Variants in ZBTB16 observed in about 807,000 individuals in gnomAD.
The protein encoded by ZBTB16 is zinc finger and BTB domain-containing protein 16.
A neutral mutation model predicts 56.8 loss-of-function variants in ZBTB16; 8 were observed. The ratio of observed to expected loss-of-function variants is 0.14; its 90% CI spans 0.08 to 0.25. ZBTB16 has a LOEUF of 0.25. Among genes scored for constraint, ZBTB16 ranks in the 10% least tolerant of loss-of-function variants. The pLI is 1.00. For missense variants in ZBTB16, 625 were observed against 903.0 expected (o/e 0.69, Z 3.95); for synonymous variants, 363 against 368.5 (o/e 0.98, Z 0.17).
At chr11:114,187,291 A>G (rs2135061551) in intron 4 of ZBTB16, 1 of 576,902 alleles carries the variant, frequency 1.7e-6, no homozygotes, top group South Asian at 1.9e-5. Flanking sequence ...GTCTCTAACC[A>G]GCCACTGAGA....
intron 2 of ZBTB16, among the ~76,000 whole-genome samples, chr11:114,148,444 T>TGTCC (rs1942188620): frequency 1.5e-5 from 1 of 67,144 alleles, no homozygotes; most frequent in Non-Finnish European, 3.5e-5. Flanking sequence ...TCTTTCTCTC[T>TGTCC]CTCTGTCTGT....
chr11:114,224,663 C>G (rs1944295983), intron 4 of ZBTB16, among the ~76,000 whole-genome samples: 1 of 152,078 alleles, frequency 6.6e-6, no homozygotes, highest in Non-Finnish European at 1.5e-5. Context: ...GGAATAGAAT[C>G]CAGAGGAACC....
intron 2 of ZBTB16, among the ~76,000 whole-genome samples, chr11:114,119,189 T>A (rs1941266198): frequency 7.4e-6 from 1 of 134,436 alleles, no homozygotes; most frequent in Non-Finnish European, 1.5e-5. Context: ...CGCTTGAACC[T>A]GAGAGGCAGA....
chr11:114,231,677 C>T (rs997499431), intron 4 of ZBTB16, among the ~76,000 whole-genome samples: 14 of 152,266 alleles, frequency 9.2e-5, no homozygotes, highest in African/African-American at 3.1e-4. Context: ...CTTTCTTTGC[C>T]TTGTCTGTGA....
chr11:114,176,455 C>T (rs1434216215), intron 3 of ZBTB16, among the ~76,000 whole-genome samples: 1 of 152,190 alleles, frequency 6.6e-6, no homozygotes, highest in African/African-American at 2.4e-5. Flanking sequence ...ACTGACCCAG[C>T]CTGACTCTGG....
chr11:114,181,728 T>C (rs571921800), intron 3 of ZBTB16, among the ~76,000 whole-genome samples: 2 of 152,256 alleles, frequency 1.3e-5, no homozygotes, highest in East Asian at 3.9e-4. Flanking sequence ...CCTGCTATTT[T>C]TCTCGGTTTG....
At chr11:114,200,814 T>C (rs1943721851) in intron 4 of ZBTB16, among the ~76,000 whole-genome samples, 1 of 152,202 alleles carries the variant, frequency 6.6e-6, no homozygotes, top group Non-Finnish European at 1.5e-5. Context: ...GTTTCCTCTC[T>C]GACTTCTCAC....
intron 4 of ZBTB16, among the ~76,000 whole-genome samples, chr11:114,197,287 G>A (rs1027873719): frequency 2.0e-5 from 3 of 152,104 alleles, no homozygotes; most frequent in African/African-American, 4.8e-5. Flanking sequence ...GTCCAGAAAC[G>A]GCATACCTCT....
At chr11:114,139,589 C>T (rs964972197) in intron 2 of ZBTB16, among the ~76,000 whole-genome samples, 18 of 149,128 alleles carry the variant, frequency 1.2e-4, no homozygotes, top group Admixed American at 4.6e-4. Context: ...AAACAGATGG[C>T]GAGAGATGGC....
intron 2 of ZBTB16, among the ~76,000 whole-genome samples, chr11:114,144,257 G>T (rs1047868055): frequency 3.3e-5 from 5 of 151,850 alleles, no homozygotes; most frequent in African/African-American, 4.8e-5. Context: ...AACCTCGTCC[G>T]TGTGGCTCAC....
chr11:114,064,057 A>G lies in ZBTB16; in HGVS notation c.757A>G (p.Ser253Gly), dbSNP rs777155283. 53 of 1,613,410 alleles carry G rather than the reference A, an allele frequency of 3.3e-5. No individual in the cohort carries two copies. Among genetic ancestry groups the G allele is most frequent in the Non-Finnish European group, 4.4e-5 (52 of 1,179,818 alleles). The change falls in exon 2 of 7, where the codon AGC becomes GGC. Residue 253 changes from serine to glycine, a missense_variant. This residue lies in a region of ZBTB16 where 384 missense variants were observed against 393.5 expected (regional missense o/e 0.98). Transcript: ENST00000335953. This position sits in a 1 kb window ranked among gnomAD's most constrained non-coding sequence, Gnocchi z 4.2. ...TEMMQVDEVP[S>G]QDSPGAAESS... ...GATGATGCAGGTGGATGAGGTGCCCAGCCAGGACAGCCCTGGGGCAGCCGA... is the reference window on the plus strand; with the variant it reads ...GATGATGCAGGTGGATGAGGTGCCCGGCCAGGACAGCCCTGGGGCAGCCGA...
chr11:114,206,885 T>C (rs1444950326), intron 4 of ZBTB16, among the ~76,000 whole-genome samples: 1 of 152,154 alleles, frequency 6.6e-6, no homozygotes, highest in Non-Finnish European at 1.5e-5. Flanking sequence ...CCATGTTACT[T>C]CTCTGTCTGA....
At chr11:114,232,599 G>A (rs1439847959) in intron 4 of ZBTB16, among the ~76,000 whole-genome samples, 3 of 104,890 alleles carry the variant, frequency 2.9e-5, no homozygotes, top group African/African-American at 4.5e-5. Context: ...CCCAGGGTTG[G>A]GCTGGGTTGG....
intron 4 of ZBTB16, among the ~76,000 whole-genome samples, chr11:114,193,620 C>T (rs114367014): frequency 0.011 from 1,743 of 152,200 alleles, 35 homozygotes; most frequent in African/African-American, 0.037. Flanking sequence ...TCTATTTGCC[C>T]TCTCTGTTCC....
rs1939025287 is a variant in ZBTB16 at position 114,064,320 on chromosome 11, C to T, written c.1020C>T (p.His340=). The change falls in exon 2 of 7, where the codon CAC becomes CAT. Residue 340 remains histidine, a synonymous_variant. Transcript: ENST00000335953. This position sits in a 1 kb window ranked among gnomAD's most constrained non-coding sequence, Gnocchi z 4.2. The part of the protein sequence containing the change: ...HLGIYSVLPN[H]KADAVLSMPS... Reference sequence around the variant, plus strand: ...GCATCTACTCCGTGTTGCCCAACCACAAGGCTGACGCTGTATTGAGCATGC... The same window carrying T: ...GCATCTACTCCGTGTTGCCCAACCATAAGGCTGACGCTGTATTGAGCATGC... 6.2e-7 allele frequency: 1 copy of T among 1,614,132 alleles called. No homozygotes were observed. The highest frequency in any genetic ancestry group is 8.5e-7 in the Non-Finnish European group (1 of 1,180,044).
chr11:114,113,329 G>A (rs978177133), intron 2 of ZBTB16, among the ~76,000 whole-genome samples: 2 of 152,184 alleles, frequency 1.3e-5, no homozygotes, highest in African/African-American at 4.8e-5. Flanking sequence ...CTTCAAAAGA[G>A]ATATTTGGGG....
At chr11:114,166,630 C>T (rs896434822) in intron 3 of ZBTB16, among the ~76,000 whole-genome samples, 5 of 152,076 alleles carry the variant, frequency 3.3e-5, no homozygotes, top group Admixed American at 6.5e-5. Context: ...TGACTTCTAC[C>T]GACATTCATG....
Position 114,059,871 on chromosome 11 carries a change from G to A in ZBTB16, c.-102G>A, listed in dbSNP as rs1938750776. 1 of 397,770 alleles carries A rather than the reference G, an allele frequency of 2.5e-6. No individual in the cohort carries two copies. The highest frequency in any genetic ancestry group is 4.4e-6 in the Non-Finnish European group (1 of 225,626). The allele number at this position is 397,770 out of a possible 1,614,324, so 24.6% of individuals were successfully genotyped here. ...CACGCACACCCACCCCACAGTGCCC[G>A]GCTCGGCTGCGGTGAGTGAGGGGCC... On this transcript the variant is annotated 5_prime_UTR_variant, in exon 1 of 7. Coordinates refer to ENST00000335953, the MANE Select transcript of ZBTB16 (RefSeq NM_006006.6). The surrounding 1 kb of genome is among the most constrained non-coding windows in gnomAD (Gnocchi z 5.3).
chr11:114,199,930 C>T (rs1369186880), intron 4 of ZBTB16, among the ~76,000 whole-genome samples: 2 of 152,034 alleles, frequency 1.3e-5, no homozygotes, highest in African/African-American at 4.8e-5. Context: ...AGATCAAGAC[C>T]ATCCTGGCTA....
Sources: gnomAD v4.1 joint callset for allele counts (sites outside exome capture counted in the v4.1 genomes callset) on GRCh38, gnomAD v4.1.1 for gene constraint, gnomAD v4.1.1 regional missense constraint, Gnocchi (gnomAD v3.1) non-coding constraint, MANE v1.5 for transcripts, NCBI Gene and HGNC (gene_info 2026-07-23, HGNC 2026-07-21) for gene names.